Variants in EXOSC4 observed in about 807,000 individuals in gnomAD.
The protein encoded by EXOSC4 is exosome complex component RRP41.
Under a neutral mutation model 20.0 loss-of-function variants are expected in EXOSC4, and 14 were observed. The observed-to-expected ratio is 0.70, with a 90% confidence interval of 0.46 to 1.09. The LOEUF (loss-of-function observed/expected upper bound fraction) is 1.09, where lower values mean the gene tolerates loss of function less well. Among genes scored for constraint, EXOSC4 ranks in the 50% least tolerant of loss-of-function variants. The pLI is 0.00. For missense variants in EXOSC4, 337 were observed against 334.0 expected (o/e 1.01, Z -0.07); for synonymous variants, 148 against 146.4 (o/e 1.01, Z -0.08).
At position 144,080,303 on chromosome 8, in the gene EXOSC4, TGGATGCCG is replaced by T; in HGVS notation, c.445_452del (p.Ala149ThrfsTer49). On this transcript the variant is annotated frameshift_variant, in exon 3 of 3. Coordinates refer to ENST00000316052, the MANE Select transcript of EXOSC4 (RefSeq NM_019037.3). LOFTEE classifies it high-confidence loss of function. This position sits in a 1 kb window ranked among gnomAD's most constrained non-coding sequence, Gnocchi z 4.9. Reference sequence around the variant, plus strand: ...GTGAATGCAGCCACGCTGGCAGTGCTGGATGCCGGGATACCCATGAGAGACTTTGTGTG... The same window carrying T: ...GTGAATGCAGCCACGCTGGCAGTGCTGGATACCCATGAGAGACTTTGTGTG... The T allele has an allele frequency of 6.2e-7, 1 of 1,613,870 alleles. No homozygotes were observed. The highest frequency in any genetic ancestry group is 8.5e-7 in the Non-Finnish European group (1 of 1,180,032).
the EXOSC4 span, among the ~76,000 whole-genome samples, chr8:144,064,355 T>G: frequency 1.3e-5 from 2 of 152,108 alleles, no homozygotes; most frequent in Non-Finnish European, 2.9e-5. Context: ...CAACCAGGTG[T>G]GGTATGTCGG....
At chr8:144,079,807 A>AG (rs1491438749) in intron 1 of EXOSC4, 136 bp from the exon 2 acceptor site, 1 of 870,510 alleles carries the variant, frequency 1.1e-6, no homozygotes, top group African/African-American at 1.6e-5. Context: ...AGCGCAAAAC[A>AG]GGGGGCTTTG....
chr8:144,065,867 G>A, the EXOSC4 span, among the ~76,000 whole-genome samples: 1 of 149,430 alleles, frequency 6.7e-6, no homozygotes. Context: ...GGAGTGCAGT[G>A]GTGCAATCAT....
rs199867514 is a variant in EXOSC4, at chr8:144,080,510, C to G, written c.647C>G (p.Ala216Gly). 17 of 1,605,284 alleles carry G rather than the reference C, an allele frequency of 1.1e-5. No homozygotes were observed. In the African/African-American group the frequency reaches 1.9e-4, roughly 18 times the overall value. ...HEDHLERVLEAAAQAARDVHT... is the reference protein window; with the variant it reads ...HEDHLERVLEGAAQAARDVHT... The stretch of plus-strand genomic sequence containing the variant: ...GACCACCTGGAGCGGGTGTTGGAGG[C>G]TGCTGCCCAGGCTGCCCGAGATGTG... The change falls in exon 3 of 3, where the codon GCT becomes GGT. Residue 216 changes from alanine (A) to glycine (G), a missense_variant. Ala to Gly is a moderately conservative substitution (Grantham distance 60, BLOSUM62 0). Transcript: ENST00000316052. This position sits in a 1 kb window ranked among gnomAD's most constrained non-coding sequence, Gnocchi z 4.9.
upstream of EXOSC4, chr8:144,077,856 C>T (rs782283114): frequency 6.6e-5 from 10 of 152,170 alleles, no homozygotes; most frequent in African/African-American, 1.7e-4. Context: ...GGTCCTGGCC[C>T]GCCACCAGCA....
chr8:144,064,606 G>A, the EXOSC4 span, among the ~76,000 whole-genome samples: 4 of 152,230 alleles, frequency 2.6e-5, no homozygotes, highest in Admixed American at 2.0e-4. Flanking sequence ...GGGGGCACAG[G>A]GCCTTGGCAT....
the EXOSC4 span, among the ~76,000 whole-genome samples, chr8:144,065,054 C>A: frequency 6.6e-6 from 1 of 151,880 alleles, no homozygotes; most frequent in East Asian, 1.9e-4. Flanking sequence ...ACTGTGTTAG[C>A]CAGGATGGTC....
chr8:144,078,643 A>G, upstream of EXOSC4: 1 of 1,315,626 alleles, frequency 7.6e-7, no homozygotes, highest in Non-Finnish European at 9.8e-7. This position sits in a 1 kb window ranked among gnomAD's most constrained non-coding sequence, Gnocchi z 4.7. Flanking sequence ...GAAACCGTAG[A>G]TTCCGGGCGG....
chr8:144,080,026 G>A lies in EXOSC4; in HGVS notation c.255G>A (p.Glu85=). The A allele has an allele frequency of 6.2e-6, 10 of 1,614,126 alleles. No individual in the cohort carries two copies. The highest frequency in any genetic ancestry group is 7.6e-6 in the Non-Finnish European group (9 of 1,180,036). The change falls in exon 2 of 3, where the codon GAG becomes GAA. Residue 85 remains glutamate (E), a synonymous_variant. Coordinates refer to ENST00000316052, the MANE Select transcript of EXOSC4 (RefSeq NM_019037.3). This position sits in a 1 kb window ranked among gnomAD's most constrained non-coding sequence, Gnocchi z 4.9. ...QYSSATFSTG[E]RKRRPHGDRK... ...GTTCAGCGACCTTCAGCACAGGTGAGCGCAAGCGACGGCCACATGGGGACC... is the reference window on the plus strand; with the variant it reads ...GTTCAGCGACCTTCAGCACAGGTGAACGCAAGCGACGGCCACATGGGGACC...
the EXOSC4 span, among the ~76,000 whole-genome samples, chr8:144,065,353 G>A: frequency 8.5e-5 from 13 of 152,102 alleles, no homozygotes; most frequent in African/African-American, 3.1e-4. Context: ...CCCCTCACCT[G>A]TGCGAGTGGG....
At chr8:144,064,956 G>C in the EXOSC4 span, among the ~76,000 whole-genome samples, 1 of 151,016 alleles carries the variant, frequency 6.6e-6, no homozygotes. Flanking sequence ...ATTCTCCTGC[G>C]TCAGCCTGCC....
At chr8:144,076,165 C>T (rs549711822), upstream of EXOSC4, among the ~76,000 whole-genome samples, 5 of 152,292 alleles carry the variant, frequency 3.3e-5, no homozygotes, top group East Asian at 1.9e-4. Flanking sequence ...AACCCCAGGG[C>T]GCTGAGTGTC....
chr8:144,070,410 G>A, the EXOSC4 span, among the ~76,000 whole-genome samples: 5 of 151,872 alleles, frequency 3.3e-5, no homozygotes, highest in Admixed American at 1.3e-4. Flanking sequence ...TGTAATCCCA[G>A]CTACTTGGGA....
the EXOSC4 span, among the ~76,000 whole-genome samples, chr8:144,068,750 C>T: frequency 1.3e-5 from 2 of 152,246 alleles, no homozygotes; most frequent in Non-Finnish European, 2.9e-5. Context: ...AGCTCTACTC[C>T]AGGAGGTGCA....
At chr8:144,075,478 G>A (rs950431498), upstream of EXOSC4, among the ~76,000 whole-genome samples, 12 of 152,054 alleles carry the variant, frequency 7.9e-5, no homozygotes, top group Admixed American at 1.3e-4. Flanking sequence ...TGCCCGCCTC[G>A]GCCTCCCAAA....
chr8:144,070,760 A>C, the EXOSC4 span, among the ~76,000 whole-genome samples: 51 of 150,134 alleles, frequency 3.4e-4, no homozygotes, highest in Admixed American at 4.6e-4. Context: ...CCCGGGAGGC[A>C]GAAGTTGCAG....
Position 144,078,755 on chromosome 8 carries a change from C to G in EXOSC4, c.27C>G (p.Asp9Glu). 1 of 1,506,086 alleles carries G rather than the reference C, an allele frequency of 6.6e-7. No individual in the cohort carries two copies. Among genetic ancestry groups the G allele is most frequent in the African/African-American group, 1.4e-5 (1 of 69,914 alleles). The allele number at this position is 1,506,086 out of a possible 1,614,324, so 93.3% of individuals were successfully genotyped here. Reference sequence around the variant, plus strand: ...TGGCGGGGCTGGAGCTCTTGTCGGACCAGGGCTACCGGGTGGACGGGCGGC... The same window carrying G: ...TGGCGGGGCTGGAGCTCTTGTCGGAGCAGGGCTACCGGGTGGACGGGCGGC... MAGLELLS[D>E]QGYRVDGRRA... Residue 9 changes from aspartate to glutamate, a missense_variant, in exon 1 of 3, where the codon GAC becomes GAG. By Grantham distance (45) the Asp-to-Glu change is conservative (BLOSUM62 2). Transcript: ENST00000316052. This position sits in a 1 kb window ranked among gnomAD's most constrained non-coding sequence, Gnocchi z 4.7.
chr8:144,079,113 C>G (rs1208662971), intron 1 of EXOSC4: 15 of 478,626 alleles, frequency 3.1e-5, no homozygotes, highest in Non-Finnish European at 5.2e-5. Context: ...CCTGCGCCCT[C>G]CTTCCTCTTT....
upstream of EXOSC4, among the ~76,000 whole-genome samples, chr8:144,073,926 G>A (rs535241056): frequency 6.6e-6 from 1 of 152,118 alleles, no homozygotes; most frequent in Admixed American, 6.5e-5. Flanking sequence ...GGGACTCACT[G>A]TCTCCCAAAC....
Sources: allele counts gnomAD v4.1 joint callset (sites outside exome capture counted in the v4.1 genomes callset), GRCh38; gene constraint gnomAD v4.1.1; non-coding constraint Gnocchi (gnomAD v3.1); transcripts MANE v1.5; gene names NCBI Gene and HGNC (gene_info 2026-07-23, HGNC 2026-07-21).